The following GFM2 variants were observed in gnomAD, a reference collection of about 807,000 sequenced individuals.
The protein encoded by GFM2 is ribosome-releasing factor 2, mitochondrial.
Under a neutral mutation model 95.4 loss-of-function variants are expected in GFM2, and 72 were observed. That is an observed-to-expected ratio of 0.76 (90% CI 0.62 to 0.92). The LOEUF is 0.92. GFM2 is among the 40% of genes least tolerant of loss of function. GFM2 has a pLI of 0.00. For missense variants in GFM2, 825 were observed against 924.1 expected (o/e 0.89, Z 1.39); for synonymous variants, 276 against 317.5 (o/e 0.87, Z 1.39).
rs1186297101 is a variant in GFM2, at chr5:74,736,864, G to A, written c.1442C>T (p.Ala481Val). The stretch of plus-strand genomic sequence containing the variant: ...AACAGGTTCTGGAATCTCCACTCCA[G>A]CCAATAAAAGTCTCTCTGCTTCATT... ...QNNEAERLLL[A>V]GVEIPEPVFF... Residue 481 changes from alanine to valine, a missense_variant, in exon 15 of 21, where the codon GCT becomes GTT. Ala to Val is a moderately conservative substitution (Grantham distance 64, BLOSUM62 0). Transcript: ENST00000296805. 1 of 1,613,786 alleles carries A rather than the reference G, an allele frequency of 6.2e-7. No homozygotes were observed. Among genetic ancestry groups the A allele is most frequent in the East Asian group, 2.2e-5 (1 of 44,888 alleles).
intron 3 of GFM2, 152 bp downstream of exon 3, chr5:74,760,750 C>G (rs1376266719): frequency 1.6e-6 from 1 of 609,904 alleles, no homozygotes; most frequent in Non-Finnish European, 2.9e-6. Flanking sequence ...TGGCACCTAT[C>G]TGAACACTCC....
intron 10 of GFM2, chr5:74,741,965 A>G (rs1743131859): frequency 6.3e-6 from 1 of 158,504 alleles, no homozygotes; most frequent in African/African-American, 2.4e-5. Context: ...TGGAGGTTTT[A>G]GTTTATAAAA....
intron 14 of GFM2, among the ~76,000 whole-genome samples, chr5:74,737,323 C>T (rs1336266465): frequency 3.3e-5 from 5 of 152,120 alleles, no homozygotes; most frequent in Non-Finnish European, 7.4e-5. Flanking sequence ...AGTGTTCTAC[C>T]ACCCATAAGA....
In GFM2 at chr5:74,740,140, A is replaced by G; in HGVS notation, c.931-3T>C. ...ACTCTATGTATTGCAGTCTGTAGCT[A>G]CAGAGCAGAGATACAAATGAGCATT... On this transcript the variant is annotated splice_region_variant and splice_polypyrimidine_tract_variant and intron_variant, in intron 11 of 20. Coordinates refer to ENST00000296805, the MANE Select transcript of GFM2 (RefSeq NM_032380.5). The G allele has an allele frequency of 6.3e-7, 1 of 1,594,092 alleles. No homozygotes were observed. The highest frequency in any genetic ancestry group is 1.2e-5 in the South Asian group (1 of 86,938).
chr5:74,739,922 A>T (rs552130490), intron 12 of GFM2, 67 bp downstream of exon 12: 1 of 1,148,532 alleles, frequency 8.7e-7, no homozygotes, highest in African/African-American at 1.6e-5. Flanking sequence ...ACTACTTTTC[A>T]TAAAAGTATT....
In GFM2 at chr5:74,763,572, T is replaced by C. The variant is rs1744392116; in HGVS notation, c.63+108A>G. ...TTAGCTTGAAGATTTCCAAAGGTTA[T>C]GACTCAACTAAATTTGGAATCAACA... is the stretch of plus-strand genomic sequence containing the variant. On this transcript the variant is annotated intron_variant, in intron 2 of 20. Coordinates refer to ENST00000296805, the MANE Select transcript of GFM2 (RefSeq NM_032380.5). The C allele has an allele frequency of 4.9e-6, 3 of 617,968 alleles. 1 individual carries two copies. The highest frequency in any genetic ancestry group is 3.0e-6 in the Non-Finnish European group (1 of 337,214). The allele number at this position is 617,968 out of a possible 1,614,324, so 38.3% of individuals were successfully genotyped here. A position where few individuals can be genotyped will look rare whatever the true frequency, so the allele number is the denominator to read the frequency against.
intron 1 of GFM2, chr5:74,765,280 G>T: frequency 4.6e-6 from 1 of 217,776 alleles, no homozygotes; most frequent in Non-Finnish European, 8.6e-6. Flanking sequence ...CTGTGTGTCT[G>T]CCTACCCACT....
At chr5:74,746,022 A>G in intron 9 of GFM2, 83 bp downstream of exon 9, 1 of 1,123,850 alleles carries the variant, frequency 8.9e-7, no homozygotes, top group Non-Finnish European at 1.3e-6. Flanking sequence ...AAAAATGATG[A>G]GATAGCTTTG....
chr5:74,749,724 A>C (rs1455390268), intron 7 of GFM2, among the ~76,000 whole-genome samples: 1 of 152,184 alleles, frequency 6.6e-6, no homozygotes, highest in Non-Finnish European at 1.5e-5. Context: ...ATGTTTATCT[A>C]ACATTACAAG....
At chr5:74,754,602 T>TA (rs138941382) in intron 5 of GFM2, among the ~76,000 whole-genome samples, 20,394 of 152,052 alleles carry the variant, frequency 0.13, 1,494 homozygotes, top group Middle Eastern at 0.2. Flanking sequence ...AAGCAGCAGT[T>TA]AAAAAAGACA....
chr5:74,763,842 A>G (rs1744407738), intron 1 of GFM2, 76 bp from the exon 2 acceptor site: 3 of 770,680 alleles, frequency 3.9e-6, no homozygotes, highest in Non-Finnish European at 6.7e-6. Flanking sequence ...TAAGTTAGAC[A>G]TATGTAATAT....
intron 15 of GFM2, among the ~76,000 whole-genome samples, chr5:74,733,865 G>GA (rs747667131): frequency 6.6e-6 from 1 of 152,158 alleles, no homozygotes; most frequent in Non-Finnish European, 1.5e-5. Flanking sequence ...ATAACTCTAT[G>GA]ATGAATTATC....
chr5:74,745,114 G>A (rs1011354036), intron 10 of GFM2, among the ~76,000 whole-genome samples: 7 of 152,084 alleles, frequency 4.6e-5, no homozygotes, highest in African/African-American at 1.2e-4. Flanking sequence ...TGAGGTGGGC[G>A]ATCACCTGAG....
chr5:74,744,707 C>T (rs1743292010), intron 10 of GFM2, among the ~76,000 whole-genome samples: 1 of 152,100 alleles, frequency 6.6e-6, no homozygotes, highest in Non-Finnish European at 1.5e-5. Flanking sequence ...TATCCTTTGA[C>T]CTAACAATGC....
chr5:74,765,780 T>C (rs1744551760), intron 1 of GFM2, among the ~76,000 whole-genome samples: 1 of 150,090 alleles, frequency 6.7e-6, no homozygotes, highest in South Asian at 2.1e-4. Flanking sequence ...GTGGATCACC[T>C]GAAGTCAGGA....
At chr5:74,749,941 AAATT>A (rs1173429993) in intron 7 of GFM2, among the ~76,000 whole-genome samples, 1 of 152,172 alleles carries the variant, frequency 6.6e-6, no homozygotes, top group African/African-American at 2.4e-5. Context: ...GATCCACTCC[AAATT>A]AATTTTTGTG....
In GFM2 at chr5:74,759,357, G is replaced by T; in HGVS notation, c.206+12C>A. ...AGTCTATGGAAAAGCATGATATAAT[G>T]ATAGTACTTACTTAGCTATGGGAGG... On this transcript the variant is annotated intron_variant, in intron 4 of 20. Coordinates refer to ENST00000296805, the MANE Select transcript of GFM2 (RefSeq NM_032380.5). 2 of 1,439,476 alleles carry T rather than the reference G, an allele frequency of 1.4e-6. No homozygotes were observed. Among genetic ancestry groups the T allele is most frequent in the Non-Finnish European group, 1.9e-6 (2 of 1,030,484 alleles). 89.2% of individuals were successfully genotyped at this position (1,439,476 alleles called of 1,614,324 possible). A position where few individuals can be genotyped will look rare whatever the true frequency, so the allele number is the denominator to read the frequency against.
intron 17 of GFM2, 111 bp downstream of exon 17, chr5:74,730,149 G>A: frequency 9.9e-7 from 1 of 1,012,296 alleles, no homozygotes; most frequent in Non-Finnish European, 1.4e-6. Context: ...CATAAAAACT[G>A]TCTCCTCTGA....
Position 74,726,082 on chromosome 5 carries a change from C to T in GFM2, c.1771G>A (p.Val591Ile), listed in dbSNP as rs1750135480. ...TCAATTGGCCTTGCTTCCACTTCTA[C>T]AGTCACAAGATGCCTTTTGTCTCCT... ...TLGDKRHLVTVEVEARPIETS... is the reference protein window; with the variant it reads ...TLGDKRHLVTIEVEARPIETS... Residue 591 changes from valine to isoleucine, a missense_variant, in exon 18 of 21, where the codon GTA (valine) becomes ATA (isoleucine). Val to Ile is a conservative substitution (Grantham distance 29). Transcript: ENST00000296805. 4 of 1,612,408 alleles carry T rather than the reference C, an allele frequency of 2.5e-6. No homozygotes were observed. Among genetic ancestry groups the T allele is most frequent in the East Asian group, 2.2e-5 (1 of 44,858 alleles).
Sources: gnomAD v4.1 joint callset for allele counts (sites outside exome capture counted in the v4.1 genomes callset) on GRCh38, gnomAD v4.1.1 for gene constraint, MANE v1.5 for transcripts, NCBI Gene and HGNC (gene_info 2026-07-23, HGNC 2026-07-21) for gene names.